ABR: variants seen among roughly 807,000 people sequenced by gnomAD.
ABR encodes active breakpoint cluster region-related protein.
ABR carries 35 observed loss-of-function variants against 107.2 expected under a neutral mutation model. That is an observed-to-expected ratio of 0.33 (90% confidence interval 0.25 to 0.43). The LOEUF is 0.43. ABR is among the 20% of genes least tolerant of loss of function. The pLI, the probability that ABR is intolerant of heterozygous loss-of-function variation, is 1.00. For missense variants in ABR, 815 were observed against 1,115.2 expected (o/e 0.73, Z 3.83); for synonymous variants, 498 against 462.0 (o/e 1.08, Z -1.00).
chr17:1,201,806 A>G (rs901331885), intron 1 of ABR, among the ~76,000 whole-genome samples: 4 of 151,936 alleles, frequency 2.6e-5, no homozygotes, highest in Non-Finnish European at 5.9e-5. Context: ...CCTCCTGAGT[A>G]GCTGGGACAA....
chr17:1,212,460 A>G (rs998827474), intron 1 of ABR, among the ~76,000 whole-genome samples: 5 of 151,976 alleles, frequency 3.3e-5, no homozygotes, highest in African/African-American at 1.2e-4. Context: ...CAACAAAACA[A>G]AACAAAAAGA....
intron 7 of ABR, among the ~76,000 whole-genome samples, 174 bp downstream of exon 7, chr17:1,073,451 C>T (rs879513591): frequency 2.6e-5 from 4 of 152,220 alleles, no homozygotes; most frequent in Admixed American, 2.6e-4. Context: ...AAGCTGTATT[C>T]AGGCCCTAGC....
intron 16 of ABR, among the ~76,000 whole-genome samples, chr17:1,032,137 G>A (rs2072858156): frequency 6.6e-6 from 1 of 152,038 alleles, no homozygotes; most frequent in Non-Finnish European, 1.5e-5. Flanking sequence ...TGCCCACCGG[G>A]CTGCTCCAGG....
intron 1 of ABR, among the ~76,000 whole-genome samples, chr17:1,171,852 C>T (rs2041723373): frequency 6.6e-6 from 1 of 152,284 alleles, no homozygotes; most frequent in South Asian, 2.1e-4. Flanking sequence ...ACTGCTTGAA[C>T]CCGGGAGGCG....
chr17:1,184,621 G>T (rs2042235366), upstream of ABR, among the ~76,000 whole-genome samples: 3 of 151,664 alleles, frequency 2.0e-5, no homozygotes, highest in South Asian at 6.3e-4. Flanking sequence ...ATTCAATAAT[G>T]CACATTGAAC....
chr17:1,214,893 A>G (rs1264130153), intron 1 of ABR, among the ~76,000 whole-genome samples: 1 of 151,820 alleles, frequency 6.6e-6, no homozygotes, highest in Non-Finnish European at 1.5e-5. Context: ...GCCAAGTTCT[A>G]TTTCTCTCCA....
At chr17:1,206,673 A>C (rs2042792674) in intron 1 of ABR, among the ~76,000 whole-genome samples, 1 of 152,194 alleles carries the variant, frequency 6.6e-6, no homozygotes, top group Non-Finnish European at 1.5e-5. Flanking sequence ...GGATTGCTTG[A>C]GTCCAGGAGT....
rs56033950 is a variant in ABR at position 1,022,120 on chromosome 17, A to AAAAAAAAAAAAAAAAAAAC, written c.1792-8957_1792-8956insGTTTTTTTTTTTTTTTTTT. Among the ~76,000 whole-genome samples, 78 of 118,366 alleles carry AAAAAAAAAAAAAAAAAAAC rather than the reference A, an allele frequency of 6.6e-4. 5 individuals carry two copies. Among genetic ancestry groups the AAAAAAAAAAAAAAAAAAAC allele is most frequent in the African/African-American group, 2.1e-3 (58 of 27,364 alleles). The allele number at this position is 118,366 out of a possible 152,430, so 77.7% of individuals were successfully genotyped here. A position where few individuals can be genotyped will look rare whatever the true frequency, so the allele number is the denominator to read the frequency against. On this transcript the variant is annotated intron_variant, in intron 16 of 22. Coordinates refer to ENST00000302538, the MANE Select transcript of ABR (RefSeq NM_021962.5). ...AGACTCTGTCTCAAAAAAAAAAAAA[A>AAAAAAAAAAAAAAAAAAAC]AAAAACAGAAAATGACTCCAGAAGG...
At chr17:1,033,287 C>T (rs940726504) in intron 16 of ABR, among the ~76,000 whole-genome samples, 5 of 152,186 alleles carry the variant, frequency 3.3e-5, no homozygotes, top group Admixed American at 1.3e-4. Flanking sequence ...CCTGCAGAGA[C>T]AGCCGTAGTC....
chr17:1,022,014 C>T (rs1157794423), intron 16 of ABR, among the ~76,000 whole-genome samples: 8 of 145,310 alleles, frequency 5.5e-5, no homozygotes, highest in Admixed American at 2.1e-4. Context: ...CAAAATTAGC[C>T]GGAAATCACT....
At chr17:1,054,582 G>A (rs190328638) in intron 14 of ABR, among the ~76,000 whole-genome samples, 1 of 52,898 alleles carries the variant, frequency 1.9e-5, no homozygotes, top group East Asian at 4.4e-4. Flanking sequence ...GGGGATGGGG[G>A]CACAAGGAAC....
intron 6 of ABR, 60 bp from the exon 7 acceptor site, chr17:1,073,737 C>T: frequency 6.8e-7 from 1 of 1,464,190 alleles, no homozygotes; most frequent in Non-Finnish European, 9.3e-7. Flanking sequence ...ACCCAACACC[C>T]CAGAGACCAG....
intron 9 of ABR, 90 bp from the exon 10 acceptor site, chr17:1,067,332 AGG>A (rs1368404646): frequency 1.6e-4 from 22 of 141,714 alleles, no homozygotes; most frequent in Non-Finnish European, 1.8e-4. Context: ...AACCACTGAC[AGG>A]GGTTGACTGA....
At chr17:1,155,400 C>T (rs540358053) in intron 1 of ABR, among the ~76,000 whole-genome samples, 1 of 152,240 alleles carries the variant, frequency 6.6e-6, no homozygotes, top group East Asian at 1.9e-4. Context: ...CAAAAAATAA[C>T]TCTAAATGGA....
rs796281361 is a variant in ABR, at chr17:1,208,819, T to C, written c.838+19974A>G. ...AGGAGAATGGCATGAACCCGGGAGG[T>C]GGAGCTTGCAGTGAGCCGAGATCAT... On this transcript the variant is annotated intron_variant, in intron 1 of 22. Coordinates refer to the ABR transcript ENST00000574139. Among the ~76,000 whole-genome samples, 31 of 139,864 alleles carry C rather than the reference T, an allele frequency of 2.2e-4. 2 individuals carry two copies. The South Asian group carries it at 2.7e-3, about 12-fold the overall frequency. The allele number at this position is 139,864 out of a possible 152,430, so 91.8% of individuals were successfully genotyped here.
intron 1 of ABR, among the ~76,000 whole-genome samples, chr17:1,168,059 G>C (rs1354031539): frequency 6.6e-6 from 1 of 152,176 alleles, no homozygotes; most frequent in Non-Finnish European, 1.5e-5. Context: ...GGCCGAGGTG[G>C]GCAGATAACC....
chr17:1,139,232 A>AT (rs557199302), intron 1 of ABR, among the ~76,000 whole-genome samples: 5 of 152,244 alleles, frequency 3.3e-5, no homozygotes, highest in South Asian at 2.1e-4. Context: ...GGCAGAAAAA[A>AT]AAAGAGGTTT....
chr17:1,193,043 T>C (rs140223175), intron 1 of ABR, among the ~76,000 whole-genome samples: 1 of 152,270 alleles, frequency 6.6e-6, no homozygotes, highest in East Asian at 1.9e-4. Flanking sequence ...AGCGAAACTC[T>C]ATCTCAAAAC....
At chr17:1,102,681 G>A (rs939472217) in intron 2 of ABR, among the ~76,000 whole-genome samples, 6 of 152,196 alleles carry the variant, frequency 3.9e-5, no homozygotes, top group Non-Finnish European at 7.3e-5. Flanking sequence ...CAGCCCTGGA[G>A]ATCCTTTTTA....
Sources: allele counts gnomAD v4.1 joint callset (sites outside exome capture counted in the v4.1 genomes callset), GRCh38; gene constraint gnomAD v4.1.1; transcripts MANE v1.5; gene names NCBI Gene and HGNC (gene_info 2026-07-23, HGNC 2026-07-21).